The following RAI2 variants were observed in gnomAD, a reference collection of about 807,000 sequenced individuals.
The protein encoded by RAI2 is retinoic acid-induced protein 2.
A neutral mutation model predicts 15.3 loss-of-function variants in RAI2; 5 were observed. That is an observed-to-expected ratio of 0.33 (90% CI 0.17 to 0.69). RAI2 has a LOEUF of 0.69. Ranked by LOEUF, RAI2 falls within the 30% of genes least tolerant of loss-of-function variation. RAI2 has a pLI of 0.69. For synonymous variants in RAI2, 191 were observed against 184.0 expected (o/e 1.04, Z -0.31); for missense variants, 424 against 424.7 (o/e 1.00, Z 0.01).
chrX:17,837,984 C>T (rs988777142), intron 1 of RAI2, among the ~76,000 whole-genome samples: 9 of 112,040 alleles, frequency 8.0e-5, no homozygotes, highest in African/African-American at 2.9e-4. Flanking sequence ...CAATAAGATA[C>T]TACACAGCAA....
intron 1 of RAI2, among the ~76,000 whole-genome samples, chrX:17,852,443 C>G (rs1240290793): frequency 8.9e-6 from 1 of 111,952 alleles, no homozygotes; most frequent in Non-Finnish European, 1.9e-5. Flanking sequence ...AACAACTGCC[C>G]CTATCCTTCA....
intron 1 of RAI2, among the ~76,000 whole-genome samples, chrX:17,825,088 G>T (rs2147242652): frequency 8.9e-6 from 1 of 112,142 alleles, no homozygotes; most frequent in Non-Finnish European, 1.9e-5. Flanking sequence ...TCATTCCCTG[G>T]GCAAGACCAC....
chrX:17,856,467 C>T (rs1054598883), intron 1 of RAI2, among the ~76,000 whole-genome samples: 39 of 112,151 alleles, frequency 3.5e-4, no homozygotes, highest in African/African-American at 1.1e-3. Context: ...CATCTCTGAA[C>T]CAGGAAAAAA....
intron 1 of RAI2, among the ~76,000 whole-genome samples, chrX:17,851,693 T>C (rs769198293): frequency 1.8e-4 from 20 of 111,526 alleles, no homozygotes; most frequent in African/African-American, 6.5e-4. Context: ...TTAGCTAAGC[T>C]TAATAAAGAG....
chrX:17,860,323 G>T (rs751357917), intron 1 of RAI2, among the ~76,000 whole-genome samples: 7 of 112,708 alleles, frequency 6.2e-5, no homozygotes, highest in African/African-American at 2.3e-4. Context: ...CCCCAACCCC[G>T]AAAAAGCCAC....
At chrX:17,811,232 G>A (rs1037817695) in intron 1 of RAI2, among the ~76,000 whole-genome samples, 1 of 112,528 alleles carries the variant, frequency 8.9e-6, no homozygotes, top group Non-Finnish European at 1.9e-5. Context: ...ATAAAGAGCT[G>A]CTGGTGGTGG....
intron 1 of RAI2, among the ~76,000 whole-genome samples, chrX:17,833,104 T>C (rs1011826344): frequency 1.8e-5 from 2 of 112,328 alleles, no homozygotes; most frequent in Non-Finnish European, 3.8e-5. Context: ...ATTCATATAA[T>C]GGAATATTAC....
Position 17,800,336 on chromosome X carries a change from A to G in RAI2, c.*82T>C. 1 of 1,083,766 alleles carries G rather than the reference A, an allele frequency of 9.2e-7. No homozygotes were observed. The allele number at this position is 1,083,766 out of a possible 1,213,427, so 89.3% of individuals were successfully genotyped here. On this transcript the variant is annotated 3_prime_UTR_variant, in exon 2 of 2. Transcript: ENST00000451717. Reference sequence around the variant, plus strand: ...CTACTCCCCAAAATAATTAACAAAGATAATTTGTTTTAAATGCCTTTTTAT... The same window carrying G: ...CTACTCCCCAAAATAATTAACAAAGGTAATTTGTTTTAAATGCCTTTTTAT...
Position 17,814,872 on chromosome X carries a change from TC to T in RAI2, c.-24-12839del, listed in dbSNP as rs771151973. On this transcript the variant is annotated intron_variant, in intron 1 of 1. Transcript: ENST00000451717. ...AGTTTCTTTTCTGGTGATCTTGTGT[TC>T]CAACTCGGGGACCAAAAATCAATAA... is the stretch of plus-strand genomic sequence containing the variant. 2.1e-4 allele frequency among the ~76,000 whole-genome samples: 23 copies of T among 110,055 alleles called. 1 individual carries two copies. The highest frequency in any genetic ancestry group is 1.7e-3 in the East Asian group (6 of 3,491).
chrX:17,812,592 C>T (rs950977979), intron 1 of RAI2, among the ~76,000 whole-genome samples: 2 of 111,920 alleles, frequency 1.8e-5, no homozygotes, highest in South Asian at 7.5e-4. Context: ...TTCAAGGGTT[C>T]GGAAGTTACT....
chrX:17,853,582 A>G (rs767158731), intron 1 of RAI2, among the ~76,000 whole-genome samples: 3 of 110,715 alleles, frequency 2.7e-5, no homozygotes, highest in Non-Finnish European at 3.8e-5. Flanking sequence ...GCAACAAACA[A>G]TTCTCTGGTC....
In RAI2 at chrX:17,801,191, G is replaced by A; in HGVS notation, c.820C>T (p.His274Tyr). The part of the protein sequence containing the change: ...FPKPPSSFGL[H>Y]PFKGTQTPLE... Reference sequence around the variant, plus strand: ...GGGGTCTGGGTGCCTTTAAAGGGGTGCAGGCCGAAGGAAGATGGTGGCTTG... The same window carrying A: ...GGGGTCTGGGTGCCTTTAAAGGGGTACAGGCCGAAGGAAGATGGTGGCTTG... The change falls in exon 2 of 2, where the codon CAC becomes TAC. Residue 274 changes from histidine (H) to tyrosine (Y), a missense_variant. Transcript: ENST00000451717. 15 of 1,211,235 alleles carry A rather than the reference G, an allele frequency of 1.2e-5. No homozygotes were observed. The highest frequency in any genetic ancestry group is 1.7e-5 in the African/African-American group (1 of 57,705).
rs151029765 is a variant in RAI2 at position 17,800,748 on chromosome X, T to C, written c.1263A>G (p.Glu421=). The stretch of plus-strand genomic sequence containing the variant: ...TCTCAATGTTATTTTCAGCCTTGAC[T>C]TCGCCGCTGGGGTGGTTGGGCTGGC... ...MLSQPNHPSG[E]VKAENNIEMV... Residue 421 remains glutamate, a synonymous_variant, in exon 2 of 2, where the codon GAA becomes GAG. Transcript: ENST00000451717. 8.6e-4 allele frequency: 1,037 copies of C among 1,209,945 alleles called. 5 individuals carry two copies. The African/African-American group carries it at 0.011, about 13-fold the overall frequency.
chrX:17,841,201 A>G (rs1233906815), intron 1 of RAI2, among the ~76,000 whole-genome samples: 1 of 111,499 alleles, frequency 9.0e-6, no homozygotes, highest in African/African-American at 3.3e-5. Flanking sequence ...ATACTACTAA[A>G]AAACAATGCC....
chrX:17,824,604 G>C (rs1390801177), intron 1 of RAI2, among the ~76,000 whole-genome samples: 1 of 111,400 alleles, frequency 9.0e-6, no homozygotes, highest in Admixed American at 9.5e-5. Context: ...ATTTTGAGCA[G>C]AGCAGCCCCC....
chrX:17,801,016 A>T lies in RAI2; in HGVS notation c.995T>A (p.Val332Asp). The T allele has an allele frequency of 8.3e-7, 1 of 1,211,485 alleles. No individual in the cohort carries two copies. The highest frequency in any genetic ancestry group is 1.1e-6 in the Non-Finnish European group (1 of 895,431). Residue 332 changes from valine to aspartate, a missense_variant, in exon 2 of 2, where the codon GTC becomes GAC. Val to Asp is a radical substitution (Grantham distance 152). Coordinates refer to ENST00000451717, the MANE Select transcript of RAI2 (RefSeq NM_021785.6). The part of the protein sequence containing the change: ...KSVPWLKAGE[V>D]SPPIFQEDAA... ...ATCTTCCTGGAAGATTGGGGGACTGACTTCACCAGCCTTGAGCCAGGGCAC... is the reference window on the plus strand; with the variant it reads ...ATCTTCCTGGAAGATTGGGGGACTGTCTTCACCAGCCTTGAGCCAGGGCAC...
intron 1 of RAI2, among the ~76,000 whole-genome samples, chrX:17,819,260 A>C (rs1236702753): frequency 8.9e-6 from 1 of 112,363 alleles, no homozygotes; most frequent in Non-Finnish European, 1.9e-5. Flanking sequence ...ACATGCTGGA[A>C]AATTCTTTAA....
chrX:17,842,755 C>T (rs768877475), intron 1 of RAI2, among the ~76,000 whole-genome samples: 2 of 110,549 alleles, frequency 1.8e-5, no homozygotes, highest in South Asian at 3.9e-4. Context: ...TCTCTTCTTG[C>T]TATCTTCTCA....
intron 1 of RAI2, among the ~76,000 whole-genome samples, chrX:17,815,520 C>A (rs955131941): frequency 9.0e-6 from 1 of 111,419 alleles, no homozygotes; most frequent in Non-Finnish European, 1.9e-5. Context: ...GACCTGTGAA[C>A]TGGACCTTGC....
Sources: allele counts gnomAD v4.1 joint callset (sites outside exome capture counted in the v4.1 genomes callset), GRCh38; gene constraint gnomAD v4.1.1; transcripts MANE v1.5; gene names NCBI Gene and HGNC (gene_info 2026-07-23, HGNC 2026-07-21).